AP1S3: variants seen among roughly 807,000 people sequenced by gnomAD.
The protein encoded by AP1S3 is AP-1 complex subunit sigma-3.
Under a neutral mutation model 20.9 loss-of-function variants are expected in AP1S3, and 10 were observed. The ratio of observed to expected loss-of-function variants is 0.48; its 90% CI spans 0.29 to 0.81. The LOEUF is 0.81. AP1S3 is among the 30% of genes least tolerant of loss of function. The pLI is 0.08. For missense variants in AP1S3, 154 were observed against 183.8 expected (o/e 0.84, Z 0.94); for synonymous variants, 41 against 61.5 (o/e 0.67, Z 1.56).
At chr2:223,782,493 T>C (rs1690973908) in intron 1 of AP1S3, among the ~76,000 whole-genome samples, 1 of 152,334 alleles carries the variant, frequency 6.6e-6, no homozygotes, top group African/African-American at 2.4e-5. Flanking sequence ...GGAAGTTTTA[T>C]TGAGAGGTGT....
chr2:223,798,915 T>TA, intron 1 of AP1S3, among the ~76,000 whole-genome samples: 1 of 151,968 alleles, frequency 6.6e-6, no homozygotes, highest in Non-Finnish European at 1.5e-5. Context: ...CTACTAAAAA[T>TA]ACAAAAATTA....
intron 1 of AP1S3, among the ~76,000 whole-genome samples, chr2:223,829,470 T>C (rs1284615442): frequency 6.6e-6 from 1 of 151,860 alleles, no homozygotes; most frequent in African/African-American, 2.4e-5. Flanking sequence ...CTACTAAAAA[T>C]ACAAAAATTA....
intron 1 of AP1S3, among the ~76,000 whole-genome samples, chr2:223,796,953 G>A (rs912016060): frequency 9.9e-5 from 15 of 152,224 alleles, no homozygotes; most frequent in African/African-American, 3.4e-4. Context: ...CATGAGCCAC[G>A]GCGCCTGGCC....
At chr2:223,793,688 T>C (rs926229663) in intron 1 of AP1S3, among the ~76,000 whole-genome samples, 2 of 152,142 alleles carry the variant, frequency 1.3e-5, no homozygotes, top group African/African-American at 4.8e-5. Flanking sequence ...CTCAAGTATA[T>C]AATACATTAT....
intron 1 of AP1S3, among the ~76,000 whole-genome samples, chr2:223,828,748 C>T (rs1179256876): frequency 1.3e-5 from 2 of 152,152 alleles, no homozygotes; most frequent in Non-Finnish European, 2.9e-5. Flanking sequence ...CATGGAGAAG[C>T]CCTGCATTCA....
intron 1 of AP1S3, among the ~76,000 whole-genome samples, chr2:223,832,301 T>C (rs557812722): frequency 1.3e-4 from 20 of 151,314 alleles, no homozygotes; most frequent in African/African-American, 4.9e-4. Context: ...TCCTTACAGC[T>C]GTTGTTGGCA....
At chr2:223,792,579 A>G (rs1691236463) in intron 1 of AP1S3, among the ~76,000 whole-genome samples, 2 of 152,202 alleles carry the variant, frequency 1.3e-5, no homozygotes, top group South Asian at 4.1e-4. Flanking sequence ...TCAACTCAAG[A>G]TGGATTAAAT....
chr2:223,780,136 T>A (rs1247850521), intron 1 of AP1S3, among the ~76,000 whole-genome samples: 1 of 151,382 alleles, frequency 6.6e-6, no homozygotes, highest in Non-Finnish European at 1.5e-5. Context: ...CACCACCCCC[T>A]GGCCCCAGCC....
chr2:223,829,921 T>C (rs145232408), intron 1 of AP1S3, among the ~76,000 whole-genome samples: 2 of 151,628 alleles, frequency 1.3e-5, no homozygotes, highest in African/African-American at 2.4e-5. Context: ...AACAGAAGAG[T>C]TGAGGAATAC....
chr2:223,759,132 T>C (rs1452148909), intron 4 of AP1S3, among the ~76,000 whole-genome samples: 1 of 152,036 alleles, frequency 6.6e-6, no homozygotes, highest in African/African-American at 2.4e-5. Context: ...ATACAAAAAT[T>C]ACCCGAGTGT....
Position 223,765,366 on chromosome 2 carries a change from C to A in AP1S3, c.292-16G>T. On this transcript the variant is annotated splice_polypyrimidine_tract_variant and intron_variant, in intron 3 of 4. Coordinates refer to ENST00000396654, the MANE Select transcript of AP1S3 (RefSeq NM_001039569.2). ...GCTCACAGACCTGGTGGGACAAAAA[C>A]AAACGTTTTGATAAACTTGCAGTTG... 6.3e-7 allele frequency: 1 copy of A among 1,591,858 alleles called. No homozygotes were observed. The highest frequency in any genetic ancestry group is 8.5e-7 in the Non-Finnish European group (1 of 1,171,892).
At chr2:223,777,318 C>G (rs1245613457) in intron 2 of AP1S3, among the ~76,000 whole-genome samples, 1 of 152,156 alleles carries the variant, frequency 6.6e-6, no homozygotes, top group Non-Finnish European at 1.5e-5. Flanking sequence ...TCGCTTGAAC[C>G]CAGGAGGTGG....
intron 1 of AP1S3, among the ~76,000 whole-genome samples, chr2:223,828,421 C>T (rs62187863): frequency 0.013 from 1,963 of 151,820 alleles, 22 homozygotes; most frequent in Non-Finnish European, 0.018. Flanking sequence ...CTCAGCCTCC[C>T]GAGTAACCGG....
intron 1 of AP1S3, among the ~76,000 whole-genome samples, chr2:223,833,802 G>A (rs748703484): frequency 1.1e-4 from 16 of 152,214 alleles, no homozygotes; most frequent in Non-Finnish European, 1.9e-4. Context: ...TGTTTGAAGC[G>A]CCTTCACACG....
chr2:223,765,402 A>C, intron 3 of AP1S3, 52 bp from the exon 4 acceptor site: 2 of 1,559,950 alleles, frequency 1.3e-6, no homozygotes, highest in Non-Finnish European at 1.7e-6. Flanking sequence ...TATCAGGGGA[A>C]ACATCTGCCC....
intron 1 of AP1S3, among the ~76,000 whole-genome samples, chr2:223,822,177 C>A (rs74958428): frequency 2.0e-5 from 3 of 150,480 alleles, no homozygotes; most frequent in African/African-American, 7.3e-5. Flanking sequence ...ACTGCTTGAG[C>A]CTAGGAGTTC....
Position 223,834,193 on chromosome 2 carries a change from C to T in AP1S3, c.3+3255G>A, listed in dbSNP as rs1351645460. ...ACCTTTTTGTTTATGTGGGTTATAT[C>T]CACTGATATTTATTGTATTTGAAAT... On this transcript the variant is annotated intron_variant, in intron 1 of 4. Transcript: ENST00000396654. Among the ~76,000 whole-genome samples the T allele has an allele frequency of 2.6e-5, 4 of 151,818 alleles. No individual in the cohort carries two copies. In the East Asian group the frequency reaches 7.7e-4, roughly 29 times the overall value.
At chr2:223,811,048 A>G (rs1691712253) in intron 1 of AP1S3, among the ~76,000 whole-genome samples, 1 of 151,948 alleles carries the variant, frequency 6.6e-6, no homozygotes, top group Admixed American at 6.6e-5. Context: ...TTTTGGTTAC[A>G]TGAATGAACT....
In AP1S3 at chr2:223,768,728, G is replaced by A. The variant is rs1353633337; in HGVS notation, c.292-3378C>T. ...AAATTAGCCAGGCATGATGGTGCAC[G>A]ACTGTAATCCCAGCTACTCAGGAAG... On this transcript the variant is annotated intron_variant, in intron 3 of 4. Transcript: ENST00000396654. Among the ~76,000 whole-genome samples, 7 of 152,148 alleles carry A rather than the reference G, an allele frequency of 4.6e-5. No homozygotes were observed. In the East Asian group the frequency reaches 1.4e-3, roughly 29 times the overall value.
Sources: gnomAD v4.1 joint callset for allele counts (sites outside exome capture counted in the v4.1 genomes callset) on GRCh38, gnomAD v4.1.1 for gene constraint, MANE v1.5 for transcripts, NCBI Gene and HGNC (gene_info 2026-07-23, HGNC 2026-07-21) for gene names.